RNF2: variants seen among roughly 807,000 people sequenced by gnomAD.
RNF2 encodes E3 ubiquitin-protein ligase RING2.
A neutral mutation model predicts 37.2 loss-of-function variants in RNF2; 6 were observed. The observed-to-expected ratio is 0.16, with a 90% CI of 0.09 to 0.32. The LOEUF is 0.32. Among genes scored for constraint, RNF2 ranks in the 10% least tolerant of loss-of-function variants. The probability of loss-of-function intolerance (pLI) is 1.00; values close to 1 mark genes in which losing one functional copy is unlikely to be tolerated. For missense variants in RNF2, 251 were observed against 404.0 expected (o/e 0.62, Z 3.25); for synonymous variants, 133 against 132.7 (o/e 1.00, Z -0.02).
At chr1:185,098,972 G>A (rs1337112725) in intron 5 of RNF2, among the ~76,000 whole-genome samples, 1 of 150,848 alleles carries the variant, frequency 6.6e-6, no homozygotes, top group East Asian at 2.0e-4. Context: ...GGATGGTCTC[G>A]ATCTCTTGAC....
intron 1 of RNF2, among the ~76,000 whole-genome samples, chr1:185,068,249 G>T (rs1216051803): frequency 1.3e-5 from 2 of 152,194 alleles, no homozygotes; most frequent in Non-Finnish European, 2.9e-5. Flanking sequence ...ATATTCATTG[G>T]TGGGTTATAG....
chr1:185,097,984 C>G lies in RNF2; in HGVS notation c.465-88C>G, dbSNP rs1651960105. 14 of 1,445,146 alleles carry G rather than the reference C, an allele frequency of 9.7e-6. No homozygotes were observed. In the South Asian group the frequency reaches 1.6e-4, roughly 17 times the overall value. 89.5% of individuals were successfully genotyped at this position (1,445,146 alleles called of 1,614,324 possible). A position where few individuals can be genotyped will look rare whatever the true frequency, so the allele number is the denominator to read the frequency against. ...TCAGTTACCAGTATTTTTTGGAATT[C>G]TAAAGTTCAGTAGCAAACATGCTTC... On this transcript the variant is annotated intron_variant, in intron 4 of 6. Transcript: ENST00000367510.
chr1:185,079,013 T>G (rs1651260131), intron 1 of RNF2, among the ~76,000 whole-genome samples: 1 of 151,926 alleles, frequency 6.6e-6, no homozygotes, highest in Non-Finnish European at 1.5e-5. Context: ...CTGAATATCT[T>G]ATTGATATTT....
intron 1 of RNF2, among the ~76,000 whole-genome samples, chr1:185,077,625 G>GTTTGTTT: frequency 8.6e-6 from 1 of 115,676 alleles, no homozygotes; most frequent in African/African-American, 3.3e-5. Flanking sequence ...AATTAACTTT[G>GTTTGTTT]TTTTTTTTTT....
chr1:185,054,487 T>C (rs892891263), intron 1 of RNF2, among the ~76,000 whole-genome samples: 2 of 152,082 alleles, frequency 1.3e-5, no homozygotes, highest in African/African-American at 4.8e-5. Flanking sequence ...CCCATCTGGG[T>C]CTCTGGCCCC....
chr1:185,056,231 T>G (rs1422415826), intron 1 of RNF2, among the ~76,000 whole-genome samples: 1 of 152,154 alleles, frequency 6.6e-6, no homozygotes, highest in African/African-American at 2.4e-5. Flanking sequence ...ATTATTAATG[T>G]CAGTTTAATT....
At chr1:185,077,625 G>GTTTTGTT (rs1651209511) in intron 1 of RNF2, among the ~76,000 whole-genome samples, 2 of 115,696 alleles carry the variant, frequency 1.7e-5, no homozygotes, top group Admixed American at 8.6e-5. Context: ...AATTAACTTT[G>GTTTTGTT]TTTTTTTTTT....
intron 4 of RNF2, among the ~76,000 whole-genome samples, chr1:185,097,313 C>T (rs1045460046): frequency 7.9e-5 from 12 of 152,172 alleles, no homozygotes; most frequent in African/African-American, 2.2e-4. Flanking sequence ...CATTTTGTAT[C>T]GCCTTAGCTG....
intron 1 of RNF2, among the ~76,000 whole-genome samples, chr1:185,058,758 A>G (rs1166464830): frequency 1.3e-5 from 2 of 152,196 alleles, no homozygotes; most frequent in Non-Finnish European, 2.9e-5. Flanking sequence ...CTTTGCCCTA[A>G]TGGGCATTTC....
At chr1:185,045,767 C>G (rs1308923431) in intron 1 of RNF2, 118 bp downstream of exon 1, 2 of 151,884 alleles carry the variant, frequency 1.3e-5, no homozygotes, top group East Asian at 3.9e-4. Flanking sequence ...GGTGTGTGTC[C>G]GCGGGGGTGT....
intron 6 of RNF2, 61 bp from the exon 7 acceptor site, chr1:185,100,139 C>T: frequency 7.4e-7 from 1 of 1,357,494 alleles, no homozygotes. Flanking sequence ...ATTTTAGTTT[C>T]ATTTCATTAT....
At position 185,101,775 on chromosome 1, in the gene RNF2, GTA is replaced by G. The variant is rs1023544133; in HGVS notation, c.*1480_*1481del. On this transcript the variant is annotated 3_prime_UTR_variant, in exon 7 of 7. Coordinates refer to ENST00000367510, the MANE Select transcript of RNF2 (RefSeq NM_007212.4). ...TTCAGCCCGGTATGAAAACTTAAAGGTATATATTCAATTTTTTACCATTTTAT... is the reference window on the plus strand; with the variant it reads ...TTCAGCCCGGTATGAAAACTTAAAGGTATATTCAATTTTTTACCATTTTAT... 11 of 147,406 alleles carry G rather than the reference GTA, an allele frequency of 7.5e-5. No individual in the cohort carries two copies. The highest frequency in any genetic ancestry group is 5.4e-4 in the Admixed American group (8 of 14,760). 9.1% of individuals were successfully genotyped at this position (147,406 alleles called of 1,614,324 possible). A position where few individuals can be genotyped will look rare whatever the true frequency, so the allele number is the denominator to read the frequency against.
Position 185,100,543 on chromosome 1 carries a change from G to GC in RNF2, c.*242_*243insC, listed in dbSNP as rs1553243682. The GC allele has an allele frequency of 6.7e-4, 169 of 252,452 alleles. No homozygotes were observed. Among genetic ancestry groups the GC allele is most frequent in the Non-Finnish European group, 1.0e-3 (141 of 134,630 alleles). The allele number at this position is 252,452 out of a possible 1,614,324, so 15.6% of individuals were successfully genotyped here. A position where few individuals can be genotyped will look rare whatever the true frequency, so the allele number is the denominator to read the frequency against. ...AAAAAATATATCTGAAGTTTCTTGTGTTTTTTTTTTTCCCCACAAAGTGTG... is the reference window on the plus strand; with the variant it reads ...AAAAAATATATCTGAAGTTTCTTGTGCTTTTTTTTTTTCCCCACAAAGTGTG... On this transcript the variant is annotated 3_prime_UTR_variant, in exon 7 of 7. Transcript: ENST00000367510.
At chr1:185,050,523 A>G (rs190014988) in intron 1 of RNF2, among the ~76,000 whole-genome samples, 2 of 152,378 alleles carry the variant, frequency 1.3e-5, no homozygotes, top group East Asian at 1.9e-4. Context: ...CATCTAGATT[A>G]TAAAGACCAT....
chr1:185,050,586 AC>A (rs1650243985), intron 1 of RNF2, among the ~76,000 whole-genome samples: 1 of 152,232 alleles, frequency 6.6e-6, no homozygotes, highest in South Asian at 2.1e-4. Flanking sequence ...CTTGAGAAAT[AC>A]TTTTTTCAGT....
rs999242470 is a variant in RNF2, at chr1:185,102,583, A to G, written c.*2282A>G. The G allele has an allele frequency of 1.8e-4, 28 of 152,202 alleles. No homozygotes were observed. The highest frequency in any genetic ancestry group is 6.3e-4 in the African/African-American group (26 of 41,464). The allele number at this position is 152,202 out of a possible 1,614,324, so 9.4% of individuals were successfully genotyped here. ...AGAAACTCTGTGTGCAATTAAAGTAATGCATTTCTCTTCTTCTTAACCCCT... is the reference window on the plus strand; with the variant it reads ...AGAAACTCTGTGTGCAATTAAAGTAGTGCATTTCTCTTCTTCTTAACCCCT... On this transcript the variant is annotated 3_prime_UTR_variant, in exon 7 of 7. Transcript: ENST00000367510.
chr1:185,074,180 C>T (rs1651074960), intron 1 of RNF2, among the ~76,000 whole-genome samples: 1 of 152,154 alleles, frequency 6.6e-6, no homozygotes, highest in Non-Finnish European at 1.5e-5. Flanking sequence ...ATAGGAGCTC[C>T]TGTCCTGTGG....
chr1:185,068,309 A>T (rs1650861503), intron 1 of RNF2, among the ~76,000 whole-genome samples: 1 of 152,146 alleles, frequency 6.6e-6, no homozygotes, highest in East Asian at 1.9e-4. Flanking sequence ...CCCCCAAAAG[A>T]TATCTACATT....
chr1:185,062,708 A>C (rs1650646721), intron 1 of RNF2, among the ~76,000 whole-genome samples: 1 of 152,016 alleles, frequency 6.6e-6, no homozygotes, highest in South Asian at 2.1e-4. Context: ...GAAAATTAAC[A>C]CTCATGACAG....
Sources: allele counts gnomAD v4.1 joint callset (sites outside exome capture counted in the v4.1 genomes callset), GRCh38; gene constraint gnomAD v4.1.1; transcripts MANE v1.5; gene names NCBI Gene and HGNC (gene_info 2026-07-23, HGNC 2026-07-21).